GRIK2: variants seen among roughly 807,000 people sequenced by gnomAD.
The protein encoded by GRIK2 is glutamate ionotropic receptor kainate type subunit 2.
A neutral mutation model predicts 100.3 loss-of-function variants in GRIK2; 32 were observed. The ratio of observed to expected loss-of-function variants is 0.32; its 90% confidence interval spans 0.24 to 0.43. The LOEUF (loss-of-function observed/expected upper bound fraction) is 0.43, where lower values mean the gene tolerates loss of function less well. Ranked by LOEUF, GRIK2 falls within the 20% of genes least tolerant of loss-of-function variation. The probability of loss-of-function intolerance (pLI) is 1.00; values close to 1 mark genes in which losing one functional copy is unlikely to be tolerated. For synonymous variants in GRIK2, 417 were observed against 389.4 expected, an observed-to-expected ratio of 1.07 and a Z score of -0.83; for missense variants, 843 against 1,114.9, an observed-to-expected ratio of 0.76 and a Z score of 3.47.
intron 10 of GRIK2, among the ~76,000 whole-genome samples, chr6:101,839,787 A>T (rs1436657106): frequency 6.6e-6 from 1 of 152,208 alleles, no homozygotes; most frequent in Non-Finnish European, 1.5e-5. Context: ...GACTTTATGA[A>T]GTCAGAATTT....
rs545235231 is a variant in GRIK2, at chr6:101,794,416, G to A, written c.952-5232G>A. 3.9e-5 allele frequency among the ~76,000 whole-genome samples: 6 copies of A among 152,014 alleles called. No homozygotes were observed. The South Asian group carries it at 1.0e-3, about 26-fold the overall frequency. On this transcript the variant is annotated intron_variant, in intron 7 of 16. Coordinates refer to ENST00000369134, the MANE Select transcript of GRIK2 (RefSeq NM_021956.5). ...TTGGGTCATTAAAAAAATCCATTCAGCTAGTCATATCTTTCAAATGAACAC... is the reference window on the plus strand; with the variant it reads ...TTGGGTCATTAAAAAAATCCATTCAACTAGTCATATCTTTCAAATGAACAC...
At chr6:102,057,305 C>T (rs1771512340) in intron 16 of GRIK2, among the ~76,000 whole-genome samples, 2 of 151,870 alleles carry the variant, frequency 1.3e-5, no homozygotes, top group African/African-American at 4.8e-5. Context: ...TTGTGCTTAC[C>T]TCTATGTGTC....
intron 9 of GRIK2, among the ~76,000 whole-genome samples, chr6:101,805,604 T>A (rs1239838288): frequency 6.6e-6 from 1 of 151,992 alleles, no homozygotes; most frequent in Non-Finnish European, 1.5e-5. Context: ...AGGTTAATCT[T>A]CTAACAAATA....
At chr6:101,459,014 T>C (rs1009035066) in intron 2 of GRIK2, among the ~76,000 whole-genome samples, 4 of 152,180 alleles carry the variant, frequency 2.6e-5, no homozygotes, top group African/African-American at 9.7e-5. Context: ...ATTTTTGTTT[T>C]GAAAAAAGTT....
chr6:101,807,280 G>A (rs144889089), intron 9 of GRIK2, among the ~76,000 whole-genome samples: 10 of 152,024 alleles, frequency 6.6e-5, no homozygotes, highest in South Asian at 4.1e-4. Flanking sequence ...CCCTGAAGTC[G>A]GAAATTGTAA....
intron 7 of GRIK2, among the ~76,000 whole-genome samples, chr6:101,771,064 C>T (rs1274756568): frequency 1.3e-5 from 2 of 151,894 alleles, no homozygotes; most frequent in Non-Finnish European, 1.5e-5. Flanking sequence ...TCTCATTTTC[C>T]TTAAATGTAT....
At chr6:101,782,597 C>G (rs1779165390) in intron 7 of GRIK2, among the ~76,000 whole-genome samples, 1 of 152,100 alleles carries the variant, frequency 6.6e-6, no homozygotes, top group African/African-American at 2.4e-5. Flanking sequence ...TTTTCTTTAC[C>G]TATTCATGTG....
intron 16 of GRIK2, among the ~76,000 whole-genome samples, chr6:102,064,389 TTCTCTCTC>T (rs367926395): frequency 2.2e-5 from 3 of 136,852 alleles, no homozygotes; most frequent in Non-Finnish European, 4.9e-5. Flanking sequence ...TTTCTTTCCT[TTCTCTCTC>T]TCTCTCTCCC....
intron 14 of GRIK2, among the ~76,000 whole-genome samples, chr6:102,012,678 A>G (rs1795610848): frequency 6.6e-6 from 1 of 152,152 alleles, no homozygotes; most frequent in Non-Finnish European, 1.5e-5. Context: ...AGTAACTATC[A>G]TTTGTATATT....
intron 2 of GRIK2, among the ~76,000 whole-genome samples, chr6:101,615,875 A>G (rs1198639235): frequency 6.6e-6 from 1 of 151,910 alleles, no homozygotes; most frequent in African/African-American, 2.4e-5. Flanking sequence ...TATAAAAACC[A>G]GCTGAGATCT....
intron 10 of GRIK2, among the ~76,000 whole-genome samples, chr6:101,837,225 A>T (rs550042680): frequency 6.6e-6 from 1 of 152,160 alleles, no homozygotes; most frequent in South Asian, 2.1e-4. Context: ...ATTCAGGTTG[A>T]TGAAACCCAG....
At chr6:102,021,661 A>G (rs2114366422) in intron 14 of GRIK2, among the ~76,000 whole-genome samples, 1 of 151,628 alleles carries the variant, frequency 6.6e-6, no homozygotes, top group East Asian at 1.9e-4. Context: ...TATTATATTC[A>G]GTTTTCAGTT....
chr6:101,989,950 G>C (rs1472523353), intron 14 of GRIK2, among the ~76,000 whole-genome samples: 2 of 151,560 alleles, frequency 1.3e-5, no homozygotes, highest in African/African-American at 4.8e-5. Flanking sequence ...GGACTTAATA[G>C]TAATTTAGAT....
chr6:101,999,824 C>T (rs1363760998), intron 14 of GRIK2, among the ~76,000 whole-genome samples: 2 of 151,880 alleles, frequency 1.3e-5, no homozygotes, highest in African/African-American at 4.8e-5. Context: ...TAACTTATAT[C>T]GGGTTGGGGA....
chr6:102,038,842 T>C (rs1184234268), intron 15 of GRIK2, among the ~76,000 whole-genome samples: 1 of 151,372 alleles, frequency 6.6e-6, no homozygotes, highest in African/African-American at 2.4e-5. Context: ...CTATAATCCA[T>C]AGTGAAAATT....
intron 1 of GRIK2, among the ~76,000 whole-genome samples, chr6:101,396,071 C>T (rs1774992948): frequency 6.6e-6 from 1 of 152,080 alleles, no homozygotes; most frequent in Non-Finnish European, 1.5e-5. Flanking sequence ...TAAATCTAGT[C>T]AGTGAAATAC....
chr6:101,748,698 C>T (rs1776598427), intron 7 of GRIK2, among the ~76,000 whole-genome samples: 1 of 152,048 alleles, frequency 6.6e-6, no homozygotes, highest in African/African-American at 2.4e-5. Context: ...GAATAAGAAA[C>T]TGAGACTATT....
At chr6:101,963,077 C>T (rs2128483091) in intron 14 of GRIK2, among the ~76,000 whole-genome samples, 1 of 151,590 alleles carries the variant, frequency 6.6e-6, no homozygotes, top group African/African-American at 2.4e-5. Context: ...GTTAAATTTA[C>T]ATCTGCCAAT....
At chr6:101,773,656 G>A (rs2128398637) in intron 7 of GRIK2, among the ~76,000 whole-genome samples, 1 of 152,120 alleles carries the variant, frequency 6.6e-6, no homozygotes, top group Admixed American at 6.5e-5. Flanking sequence ...GAGATTTTCA[G>A]TTAAGTTGTT....
Sources: gnomAD v4.1 joint callset for allele counts (sites outside exome capture counted in the v4.1 genomes callset) on GRCh38, gnomAD v4.1.1 for gene constraint, MANE v1.5 for transcripts, NCBI Gene and HGNC (gene_info 2026-07-23, HGNC 2026-07-21) for gene names.